Variants in PROS1 observed in about 807,000 individuals in gnomAD.
The protein encoded by PROS1 is vitamin K-dependent protein S.
Under a neutral mutation model 75.9 loss-of-function variants are expected in PROS1, and 29 were observed. The observed-to-expected ratio is 0.38, with a 90% CI of 0.28 to 0.52. The LOEUF (loss-of-function observed/expected upper bound fraction) is 0.52, where lower values mean the gene tolerates loss of function less well. Ranked by LOEUF, PROS1 falls within the 20% of genes least tolerant of loss-of-function variation. The probability of loss-of-function intolerance (pLI) is 0.83; values close to 1 mark genes in which losing one functional copy is unlikely to be tolerated. For missense variants in PROS1, 680 were observed against 810.3 expected (o/e 0.84, Z 1.95); for synonymous variants, 245 against 280.6 (o/e 0.87, Z 1.27).
chr3:93,953,672 CG>C (rs145568592), intron 1 of PROS1, among the ~76,000 whole-genome samples: 27,858 of 152,060 alleles, frequency 0.18, 3,157 homozygotes, highest in Non-Finnish European at 0.25. Context: ...GGCACAAGAC[CG>C]GGATGCCCTC....
chr3:93,889,106 C>T (rs1250694089), intron 10 of PROS1, among the ~76,000 whole-genome samples: 3 of 152,150 alleles, frequency 2.0e-5, no homozygotes, highest in African/African-American at 7.2e-5. Context: ...TTTCTCATGA[C>T]ATGTGCTCTC....
intron 1 of PROS1, among the ~76,000 whole-genome samples, chr3:93,953,076 G>C (rs1709533100): frequency 6.6e-6 from 1 of 152,118 alleles, no homozygotes; most frequent in Non-Finnish European, 1.5e-5. Context: ...CTGAAATTGA[G>C]GCAATAATGA....
chr3:93,951,974 A>T (rs1374163305), intron 1 of PROS1, among the ~76,000 whole-genome samples: 1 of 152,218 alleles, frequency 6.6e-6, no homozygotes, highest in Non-Finnish European at 1.5e-5. Flanking sequence ...AAAGATCAAA[A>T]GAGACAAAGA....
At chr3:93,966,713 C>T (rs1370927616) in intron 1 of PROS1, among the ~76,000 whole-genome samples, 1 of 151,058 alleles carries the variant, frequency 6.6e-6, no homozygotes, top group Non-Finnish European at 1.5e-5. Flanking sequence ...CCCATCTCTA[C>T]TAAAAATACA....
chr3:93,911,907 A>G (rs553611604), intron 3 of PROS1, among the ~76,000 whole-genome samples: 1 of 152,320 alleles, frequency 6.6e-6, no homozygotes, highest in South Asian at 2.1e-4. Context: ...ACACAGCAAA[A>G]TGACACTGTA....
At chr3:93,949,050 T>G (rs1199636813) in intron 1 of PROS1, among the ~76,000 whole-genome samples, 4 of 152,174 alleles carry the variant, frequency 2.6e-5, no homozygotes, top group African/African-American at 9.7e-5. Context: ...GGCTCCAGGA[T>G]TCTCATGGAC....
chr3:93,965,983 A>G (rs1256540894), intron 1 of PROS1, among the ~76,000 whole-genome samples: 1 of 152,166 alleles, frequency 6.6e-6, no homozygotes, highest in African/African-American at 2.4e-5. Context: ...GATTACAGGC[A>G]TGAGCCACTG....
At chr3:93,943,309 A>G (rs1709321228) in intron 1 of PROS1, among the ~76,000 whole-genome samples, 2 of 152,022 alleles carry the variant, frequency 1.3e-5, no homozygotes, top group South Asian at 4.2e-4. Flanking sequence ...ATTACACTGA[A>G]CCCCTTGGAC....
At chr3:93,924,638 A>G (rs1708989264) in intron 2 of PROS1, among the ~76,000 whole-genome samples, 1 of 150,368 alleles carries the variant, frequency 6.7e-6, no homozygotes. Context: ...ACCAGATTCA[A>G]TGTTGAATCA....
intron 9 of PROS1, among the ~76,000 whole-genome samples, chr3:93,894,449 A>AG (rs1404438344): frequency 6.6e-6 from 1 of 152,164 alleles, no homozygotes; most frequent in Admixed American, 6.5e-5. Context: ...GCTGATGTGA[A>AG]GCAATATTAT....
rs1708540586 is a variant in PROS1, at chr3:93,898,717, A to G, written c.728-148T>C. ...AATACTATGACATCAAACTACATTT[A>G]AACATAATACTGAACATGGAAATTT... On this transcript the variant is annotated intron_variant, in intron 7 of 14. Coordinates refer to ENST00000394236, the MANE Select transcript of PROS1 (RefSeq NM_000313.4). The G allele has an allele frequency of 3.4e-6, 3 of 871,192 alleles. No homozygotes were observed. The East Asian group carries it at 8.0e-5, about 23-fold the overall frequency. 54.0% of individuals were successfully genotyped at this position (871,192 alleles called of 1,614,324 possible).
chr3:93,970,991 A>AT (rs201323651), intron 1 of PROS1, among the ~76,000 whole-genome samples: 1 of 151,596 alleles, frequency 6.6e-6, no homozygotes, highest in South Asian at 2.1e-4. Flanking sequence ...TCTGGGCAAG[A>AT]TTTTTTTTAA....
intron 1 of PROS1, among the ~76,000 whole-genome samples, chr3:93,930,377 T>C (rs1709090213): frequency 6.6e-6 from 1 of 152,212 alleles, no homozygotes; most frequent in South Asian, 2.1e-4. Context: ...ATTTGGACTT[T>C]TTGAACTTTA....
intron 3 of PROS1, among the ~76,000 whole-genome samples, chr3:93,913,700 T>G (rs1180649709): frequency 6.6e-6 from 1 of 152,208 alleles, no homozygotes; most frequent in Non-Finnish European, 1.5e-5. Flanking sequence ...GTCTTGGGTA[T>G]GTCTTTATAA....
intron 1 of PROS1, among the ~76,000 whole-genome samples, chr3:93,943,604 AC>A (rs999451409): frequency 6.7e-6 from 1 of 149,480 alleles, no homozygotes; most frequent in African/African-American, 2.5e-5. Flanking sequence ...TCTCCATACC[AC>A]CCCCCCAAAA....
Position 93,905,750 on chromosome 3 carries a change from T to C in PROS1, c.601+34A>G, listed in dbSNP as rs764165626. 2.5e-6 allele frequency: 4 copies of C among 1,602,896 alleles called. No homozygotes were observed. In the Admixed American group the frequency reaches 6.7e-5, roughly 27 times the overall value. ...TCTAACTGGGATTATTCTCACATAG[T>C]AAATGTGTTTTAATTCTACCATCCT... On this transcript the variant is annotated intron_variant, in intron 6 of 14. Coordinates refer to ENST00000394236, the MANE Select transcript of PROS1 (RefSeq NM_000313.4).
chr3:93,944,005 T>G (rs143781239), intron 1 of PROS1, among the ~76,000 whole-genome samples: 1 of 152,324 alleles, frequency 6.6e-6, no homozygotes, highest in East Asian at 1.9e-4. Flanking sequence ...TGCACCTAGG[T>G]GATTAAAAAG....
intron 14 of PROS1, among the ~76,000 whole-genome samples, chr3:93,875,214 A>C (rs1247707346): frequency 6.6e-6 from 1 of 152,120 alleles, no homozygotes; most frequent in Admixed American, 6.5e-5. Context: ...TTGAGAAAAG[A>C]AATTACTCAA....
intron 1 of PROS1, among the ~76,000 whole-genome samples, chr3:93,969,246 AAGCCTCAAGCCTTCC>A (rs1709839257): frequency 6.6e-6 from 1 of 151,694 alleles, no homozygotes; most frequent in African/African-American, 2.4e-5. Context: ...TAGGAAATGG[AAGCCTCAAGCCTTCC>A]TCTCTGAATG....
Sources: gnomAD v4.1 joint callset for allele counts (sites outside exome capture counted in the v4.1 genomes callset) on GRCh38, gnomAD v4.1.1 for gene constraint, MANE v1.5 for transcripts, NCBI Gene and HGNC (gene_info 2026-07-23, HGNC 2026-07-21) for gene names.